MFHAS1: variants seen among roughly 807,000 people sequenced by gnomAD.
MFHAS1 encodes the protein malignant fibrous histiocytoma-amplified sequence 1.
A neutral mutation model predicts 70.4 loss-of-function variants in MFHAS1; 50 were observed. That is an observed-to-expected ratio of 0.71 (90% CI 0.57 to 0.90). The LOEUF is 0.90. MFHAS1 is among the 40% of genes least tolerant of loss of function. The pLI, the probability that MFHAS1 is intolerant of heterozygous loss-of-function variation, is 0.00. For synonymous variants in MFHAS1, 952 were observed against 620.0 expected (o/e 1.54, Z -7.96); for missense variants, 1,795 against 1,347.6 (o/e 1.33, Z -5.20).
intron 1 of MFHAS1, among the ~76,000 whole-genome samples, chr8:8,817,559 G>A (rs927706081): frequency 8.5e-5 from 13 of 152,196 alleles, no homozygotes; most frequent in East Asian, 1.9e-4. Flanking sequence ...GAGTGCTGCC[G>A]CAGTGCCCCT....
In MFHAS1 at chr8:8,892,744, CGCCGGGG is replaced by C; in HGVS notation, c.308_314del (p.Pro103ArgfsTer14). 6.4e-7 allele frequency: 1 copy of C among 1,574,684 alleles called. No homozygotes were observed. Among genetic ancestry groups the C allele is most frequent in the Non-Finnish European group, 8.6e-7 (1 of 1,162,896 alleles). ...TGAGGTGGTGGCCGAGCTCGGCCAC[CGCCGGGG>C]GCAGCCGGGCGAAGCGGTTCCTGCG... On this transcript the variant is annotated frameshift_variant, in exon 1 of 3. Transcript: ENST00000276282. LOFTEE classifies it high-confidence loss of function. This position sits in a 1 kb window ranked among gnomAD's most constrained non-coding sequence, Gnocchi z 4.7.
intron 1 of MFHAS1, among the ~76,000 whole-genome samples, chr8:8,881,560 G>C (rs1809524666): frequency 6.6e-6 from 1 of 152,198 alleles, no homozygotes; most frequent in Non-Finnish European, 1.5e-5. Context: ...ATGTTGGCTG[G>C]GCATGGTGGC....
intron 1 of MFHAS1, among the ~76,000 whole-genome samples, chr8:8,805,366 A>G (rs1806250497): frequency 6.6e-6 from 1 of 152,222 alleles, no homozygotes; most frequent in Non-Finnish European, 1.5e-5. Context: ...ATTAACAGAT[A>G]TTTTGTGTGT....
At chr8:8,875,948 G>C (rs1436845613) in intron 1 of MFHAS1, among the ~76,000 whole-genome samples, 1 of 152,158 alleles carries the variant, frequency 6.6e-6, no homozygotes, top group African/African-American at 2.4e-5. Flanking sequence ...CATATGAACA[G>C]AGATCATACT....
chr8:8,886,317 G>A lies in MFHAS1; in HGVS notation c.2998+3744C>T, dbSNP rs139347145. ...ACTAGCTGGGACCACAAGTGTGCAC[G>A]CTTAGCTGATTTTTATTTTTTATTT... On this transcript the variant is annotated intron_variant, in intron 1 of 2. Transcript: ENST00000276282. 4.8e-3 allele frequency among the ~76,000 whole-genome samples: 726 copies of A among 152,012 alleles called. 6 individuals carry two copies. The highest frequency in any genetic ancestry group is 0.017 in the African/African-American group (689 of 41,452).
chr8:8,814,349 G>T lies in MFHAS1; in HGVS notation c.2999-16858C>A, dbSNP rs188287493. Among the ~76,000 whole-genome samples, 120 of 152,328 alleles carry T rather than the reference G, an allele frequency of 7.9e-4. No individual in the cohort carries two copies. The East Asian group carries it at 0.021, about 26-fold the overall frequency. On this transcript the variant is annotated intron_variant, in intron 1 of 2. Coordinates refer to ENST00000276282, the MANE Select transcript of MFHAS1 (RefSeq NM_004225.3). ...ACAATATTCAGTACAGTCACATGCT[G>T]TACAGGTTTGTAGCCCAAGAGCAAT...
At position 8,891,235 on chromosome 8, in the gene MFHAS1, G is replaced by C. The variant is rs1373941936; in HGVS notation, c.1824C>G (p.Ala608=). The C allele has an allele frequency of 2.5e-6, 4 of 1,612,406 alleles. No homozygotes were observed. In the South Asian group the frequency reaches 3.3e-5, roughly 13 times the overall value. ...GGTGGTTGAGCAGGTATTGAAAATGGGCCTTGCGCCGTCGAAGGTTCTTGT... is the reference window on the plus strand; with the variant it reads ...GGTGGTTGAGCAGGTATTGAAAATGCGCCTTGCGCCGTCGAAGGTTCTTGT... ...VSDKNLRRRK[A]HFQYLLNHRL... The change falls in exon 1 of 3, where the codon GCC becomes GCG. Residue 608 remains alanine, a synonymous_variant. Transcript: ENST00000276282. The surrounding 1 kb of genome is among the most constrained non-coding windows in gnomAD (Gnocchi z 5.4).
At chr8:8,876,776 A>T (rs775649424) in intron 1 of MFHAS1, among the ~76,000 whole-genome samples, 3 of 151,980 alleles carry the variant, frequency 2.0e-5, no homozygotes, top group African/African-American at 7.2e-5. Flanking sequence ...TGAAGAAAAG[A>T]CTTTTTATCC....
At chr8:8,851,738 A>T (rs2116872887) in intron 1 of MFHAS1, among the ~76,000 whole-genome samples, 1 of 152,324 alleles carries the variant, frequency 6.6e-6, no homozygotes, top group South Asian at 2.1e-4. Flanking sequence ...GAATGTATTT[A>T]AAATAAGAAC....
At chr8:8,851,200 G>A (rs1434429693) in intron 1 of MFHAS1, among the ~76,000 whole-genome samples, 2 of 152,176 alleles carry the variant, frequency 1.3e-5, no homozygotes, top group Non-Finnish European at 2.9e-5. Context: ...AAAAGAATGT[G>A]CACACTTCAT....
intron 1 of MFHAS1, among the ~76,000 whole-genome samples, chr8:8,809,832 T>C (rs978533086): frequency 5.3e-5 from 8 of 152,302 alleles, no homozygotes; most frequent in Non-Finnish European, 1.2e-4. Context: ...AAGGTTACTC[T>C]TTATTTTGAT....
chr8:8,812,998 C>G (rs1476948992), intron 1 of MFHAS1, among the ~76,000 whole-genome samples: 1 of 152,112 alleles, frequency 6.6e-6, no homozygotes, highest in Non-Finnish European at 1.5e-5. Context: ...AACTTGTGAC[C>G]TCAAGTGATC....
intron 2 of MFHAS1, among the ~76,000 whole-genome samples, chr8:8,786,807 G>C (rs569839501): frequency 1.3e-4 from 19 of 151,622 alleles, no homozygotes; most frequent in African/African-American, 4.6e-4. Context: ...CTCATTAGGA[G>C]AGACGCTGAT....
At chr8:8,820,327 C>G (rs1806906220) in intron 1 of MFHAS1, among the ~76,000 whole-genome samples, 2 of 152,038 alleles carry the variant, frequency 1.3e-5, no homozygotes, top group African/African-American at 4.8e-5. Context: ...GTGCCCTTCC[C>G]TACACCTTTT....
intron 1 of MFHAS1, among the ~76,000 whole-genome samples, chr8:8,831,660 C>T (rs934325988): frequency 6.6e-6 from 1 of 150,780 alleles, no homozygotes; most frequent in East Asian, 1.9e-4. Flanking sequence ...GTCGCCCAGG[C>T]TGGAGTGGTG....
chr8:8,830,333 A>G (rs1435306396), intron 1 of MFHAS1, among the ~76,000 whole-genome samples: 1 of 152,222 alleles, frequency 6.6e-6, no homozygotes, highest in African/African-American at 2.4e-5. Flanking sequence ...AAAGAAGACT[A>G]AGTTATTATT....
At chr8:8,875,182 T>A (rs1381305601) in intron 1 of MFHAS1, among the ~76,000 whole-genome samples, 3 of 152,180 alleles carry the variant, frequency 2.0e-5, no homozygotes, top group African/African-American at 7.2e-5. Context: ...TAATGACATT[T>A]TTTGCCTTTG....
At chr8:8,792,774 C>A (rs552591129) in intron 2 of MFHAS1, among the ~76,000 whole-genome samples, 1 of 152,036 alleles carries the variant, frequency 6.6e-6, no homozygotes. Flanking sequence ...TCTGCAAATA[C>A]GTTAGTAATC....
intron 1 of MFHAS1, among the ~76,000 whole-genome samples, chr8:8,856,530 C>A (rs1808446287): frequency 6.6e-6 from 1 of 152,114 alleles, no homozygotes; most frequent in African/African-American, 2.4e-5. Context: ...GCTTTGGGAT[C>A]CACTGGTGGG....
Sources: gnomAD v4.1 joint callset for allele counts (sites outside exome capture counted in the v4.1 genomes callset) on GRCh38, gnomAD v4.1.1 for gene constraint, Gnocchi (gnomAD v3.1) non-coding constraint, MANE v1.5 for transcripts, NCBI Gene and HGNC (gene_info 2026-07-23, HGNC 2026-07-21) for gene names.